The following EDIL3 variants were observed in gnomAD, a reference collection of about 807,000 sequenced individuals.
EDIL3 encodes the protein EGF like and discoidin domains 3, also known as EGF-like repeat and discoidin I-like domain-containing protein 3.
A neutral mutation model predicts 67.4 loss-of-function variants in EDIL3; 37 were observed. That is an observed-to-expected ratio of 0.55 (90% CI 0.42 to 0.72). The LOEUF is 0.72. Among genes scored for constraint, EDIL3 ranks in the 30% least tolerant of loss-of-function variants. EDIL3 has a pLI of 0.00. For missense variants in EDIL3, 527 were observed against 586.3 expected (o/e 0.90, Z 1.04); for synonymous variants, 195 against 196.3 (o/e 0.99, Z 0.05).
intron 1 of EDIL3, among the ~76,000 whole-genome samples, chr5:84,297,997 G>A (rs558558557): frequency 6.6e-6 from 1 of 152,216 alleles, no homozygotes; most frequent in African/African-American, 2.4e-5. Flanking sequence ...AAGCCCTCAA[G>A]GGGTTTTAGA....
intron 1 of EDIL3, among the ~76,000 whole-genome samples, chr5:84,255,328 A>T (rs1402151830): frequency 6.6e-6 from 1 of 152,204 alleles, no homozygotes; most frequent in African/African-American, 2.4e-5. Context: ...AGCCTGAAAG[A>T]TCTTCTCAGC....
At chr5:84,152,083 C>T (rs368993068) in intron 4 of EDIL3, among the ~76,000 whole-genome samples, 26 of 152,030 alleles carry the variant, frequency 1.7e-4, no homozygotes, top group Admixed American at 3.9e-4. Flanking sequence ...CCATGCCCAG[C>T]TAATTTTTGT....
chr5:84,011,879 A>AT (rs1745523013), intron 9 of EDIL3, among the ~76,000 whole-genome samples: 1 of 151,858 alleles, frequency 6.6e-6, no homozygotes, highest in Non-Finnish European at 1.5e-5. Context: ...CTCTCTCTCT[A>AT]TCGATTTTGC....
At chr5:84,073,540 T>C (rs1169111350) in intron 6 of EDIL3, among the ~76,000 whole-genome samples, 3 of 152,266 alleles carry the variant, frequency 2.0e-5, no homozygotes, top group Middle Eastern at 6.8e-3. Flanking sequence ...ACAAGCATTC[T>C]TAAACACCAA....
At chr5:84,225,192 T>G (rs940317502) in intron 3 of EDIL3, among the ~76,000 whole-genome samples, 2 of 151,574 alleles carry the variant, frequency 1.3e-5, no homozygotes, top group Non-Finnish European at 3.0e-5. Flanking sequence ...TGAAAGTGAT[T>G]AACAAGCCAA....
chr5:84,116,893 G>T (rs1383715418), intron 5 of EDIL3, among the ~76,000 whole-genome samples: 3 of 151,884 alleles, frequency 2.0e-5, no homozygotes, highest in Non-Finnish European at 2.9e-5. Flanking sequence ...TACTGGATGT[G>T]TTTTATCAGT....
At chr5:84,138,448 C>T (rs1277354175) in intron 4 of EDIL3, among the ~76,000 whole-genome samples, 1 of 152,178 alleles carries the variant, frequency 6.6e-6, no homozygotes, top group Non-Finnish European at 1.5e-5. Flanking sequence ...TCCTGACCAA[C>T]TTTCTACCAA....
intron 9 of EDIL3, among the ~76,000 whole-genome samples, chr5:84,040,976 C>T (rs1746109769): frequency 6.6e-6 from 1 of 151,944 alleles, no homozygotes; most frequent in African/African-American, 2.4e-5. Context: ...TACAAAAATA[C>T]AAAAATTAGC....
intron 9 of EDIL3, among the ~76,000 whole-genome samples, chr5:84,052,415 A>C (rs1406933088): frequency 2.0e-5 from 3 of 151,538 alleles, no homozygotes; most frequent in African/African-American, 7.3e-5. Context: ...TGAGCAAAAT[A>C]GCCAGCTAAC....
intron 5 of EDIL3, among the ~76,000 whole-genome samples, chr5:84,135,791 A>G (rs1748079173): frequency 6.6e-6 from 1 of 151,972 alleles, no homozygotes; most frequent in Admixed American, 6.6e-5. Flanking sequence ...CTCATGCTCA[A>G]TGTCCTTCCT....
chr5:84,314,684 T>C (rs1460424143), intron 1 of EDIL3, among the ~76,000 whole-genome samples: 1 of 152,172 alleles, frequency 6.6e-6, no homozygotes. Flanking sequence ...TGTTCTATTA[T>C]GTGAAATATT....
chr5:84,047,414 G>T (rs1746243531), intron 9 of EDIL3, among the ~76,000 whole-genome samples: 1 of 152,078 alleles, frequency 6.6e-6, no homozygotes, highest in African/African-American at 2.4e-5. Flanking sequence ...GGGATGGAAA[G>T]GTAGGGGCAA....
chr5:84,048,595 G>T (rs1746272461), intron 9 of EDIL3, among the ~76,000 whole-genome samples: 1 of 151,934 alleles, frequency 6.6e-6, no homozygotes, highest in Admixed American at 6.5e-5. Flanking sequence ...TAGACCAAAA[G>T]ATCATTTCTT....
chr5:84,313,388 A>C (rs148989004), intron 1 of EDIL3, among the ~76,000 whole-genome samples: 2,024 of 152,330 alleles, frequency 0.013, 24 homozygotes, highest in Middle Eastern at 0.027. Flanking sequence ...AAGAAAAGAG[A>C]CTATGGCTTT....
chr5:84,181,615 C>T (rs1322791422), intron 3 of EDIL3, among the ~76,000 whole-genome samples: 1 of 152,148 alleles, frequency 6.6e-6, no homozygotes, highest in Non-Finnish European at 1.5e-5. Context: ...CTTTGTGCAT[C>T]ACAGACATTC....
At chr5:84,304,346 T>C (rs149378211) in intron 1 of EDIL3, among the ~76,000 whole-genome samples, 1 of 152,280 alleles carries the variant, frequency 6.6e-6, no homozygotes, top group South Asian at 2.1e-4. Flanking sequence ...TCACCTAGGG[T>C]GCACCAAAAT....
chr5:84,050,413 A>C (rs934779394), intron 9 of EDIL3, among the ~76,000 whole-genome samples: 2 of 152,158 alleles, frequency 1.3e-5, no homozygotes, highest in African/African-American at 4.8e-5. Flanking sequence ...TGATTTCTGC[A>C]TTTCCAACTG....
intron 2 of EDIL3, among the ~76,000 whole-genome samples, chr5:84,236,713 A>G (rs1218891289): frequency 6.6e-6 from 1 of 151,992 alleles, no homozygotes; most frequent in African/African-American, 2.4e-5. Context: ...CTGAGTAAAT[A>G]TTTTTGGAAA....
chr5:84,343,957 T>A (rs575546388), intron 1 of EDIL3, among the ~76,000 whole-genome samples: 1 of 152,136 alleles, frequency 6.6e-6, no homozygotes, highest in Non-Finnish European at 1.5e-5. Flanking sequence ...GATTTTGACA[T>A]GAAACTGTTA....
Sources: gnomAD v4.1 joint callset for allele counts (sites outside exome capture counted in the v4.1 genomes callset) on GRCh38, gnomAD v4.1.1 for gene constraint, MANE v1.5 for transcripts, NCBI Gene and HGNC (gene_info 2026-07-23, HGNC 2026-07-21) for gene names.